The following ARHGAP8 variants were observed in gnomAD, a reference collection of about 807,000 sequenced individuals.
ARHGAP8 encodes the protein Rho GTPase activating protein 8.
In ARHGAP8, 62 loss-of-function variants were observed where a neutral mutation model predicts 46.1. The observed-to-expected ratio is 1.34, with a 90% CI of 1.10 to 1.66. The LOEUF (loss-of-function observed/expected upper bound fraction) is 1.66, where lower values mean the gene tolerates loss of function less well. Ranked by LOEUF, ARHGAP8 falls within the 40% of genes most tolerant of loss-of-function variation. The pLI is 0.00. For missense variants in ARHGAP8, 923 were observed against 568.4 expected (o/e 1.62, Z -6.34); for synonymous variants, 375 against 243.1 (o/e 1.54, Z -5.05).
At chr22:44,816,678 G>T (rs535648448) in intron 5 of ARHGAP8, among the ~76,000 whole-genome samples, 1 of 151,896 alleles carries the variant, frequency 6.6e-6, no homozygotes, top group South Asian at 2.1e-4. Flanking sequence ...TGTAGCATGC[G>T]CCTGTGGTCC....
intron 1 of ARHGAP8, among the ~76,000 whole-genome samples, 170 bp from the exon 2 acceptor site, chr22:44,786,287 A>G (rs1345646747): frequency 2.0e-5 from 3 of 151,600 alleles, no homozygotes; most frequent in African/African-American, 7.3e-5. Context: ...CAGGGCGCCT[A>G]GTGGGTGCTC....
At position 44,829,739 on chromosome 22, in the gene ARHGAP8, A is replaced by G. The variant is rs184320307; in HGVS notation, c.596+4146A>G. The stretch of plus-strand genomic sequence containing the variant: ...TTTGGACTATGAATGAATGAAAGTC[A>G]TTAAAATTCATAACTGAATCCTATT... On this transcript the variant is annotated intron_variant, in intron 7 of 11. Coordinates refer to ENST00000356099, the MANE Select transcript of ARHGAP8 (RefSeq NM_181335.3). Among the ~76,000 whole-genome samples, 4 of 152,402 alleles carry G rather than the reference A, an allele frequency of 2.6e-5. No homozygotes were observed. The East Asian group carries it at 7.7e-4, about 29-fold the overall frequency.
chr22:44,767,263 T>C lies in ARHGAP8; in HGVS notation c.-72+14636T>C, dbSNP rs937400347. On this transcript the variant is annotated intron_variant, in intron 1 of 11. Coordinates refer to ENST00000356099, the MANE Select transcript of ARHGAP8 (RefSeq NM_181335.3). ...TGACTACAGAAACATTTCAGAAATA[T>C]TGCTGAGAACACACATACACTCCTT... Among the ~76,000 whole-genome samples, 11 of 152,130 alleles carry C rather than the reference T, an allele frequency of 7.2e-5. No homozygotes were observed. The South Asian group carries it at 1.9e-3, about 26-fold the overall frequency.
intron 7 of ARHGAP8, among the ~76,000 whole-genome samples, chr22:44,843,701 T>C (rs2147156187): frequency 6.6e-6 from 1 of 152,092 alleles, no homozygotes; most frequent in East Asian, 1.9e-4. Flanking sequence ...GGCACATGCC[T>C]GTAGCCCCAG....
intron 1 of ARHGAP8, among the ~76,000 whole-genome samples, chr22:44,775,358 T>C (rs1366866997): frequency 6.6e-6 from 1 of 152,214 alleles, no homozygotes; most frequent in Non-Finnish European, 1.5e-5. Flanking sequence ...CACGGCCTCC[T>C]GGGTGGTAGC....
chr22:44,786,408 C>G, intron 1 of ARHGAP8, 49 bp from the exon 2 acceptor site: 1 of 1,541,330 alleles, frequency 6.5e-7, no homozygotes, highest in Non-Finnish European at 8.8e-7. Context: ...CCCTCATTCC[C>G]CGCCTTACTG....
intron 8 of ARHGAP8, 99 bp from the exon 9 acceptor site, chr22:44,847,874 C>T: frequency 6.8e-7 from 1 of 1,480,964 alleles, no homozygotes; most frequent in Non-Finnish European, 9.2e-7. Context: ...GGAGGCCAGC[C>T]ACAGGTGGGT....
chr22:44,862,051 A>C (rs1601540966), intron 11 of ARHGAP8, among the ~76,000 whole-genome samples: 2 of 152,216 alleles, frequency 1.3e-5, no homozygotes, highest in Admixed American at 6.5e-5. Context: ...GGTCAGAGCC[A>C]GAGGGTCCTC....
chr22:44,758,624 G>T (rs1166853690), intron 1 of ARHGAP8, among the ~76,000 whole-genome samples: 2 of 151,948 alleles, frequency 1.3e-5, no homozygotes, highest in Admixed American at 1.3e-4. Context: ...AGTGGGGAGG[G>T]GGGGAACATA....
chr22:44,859,061 G>A (rs938412273), intron 10 of ARHGAP8, among the ~76,000 whole-genome samples: 11 of 151,280 alleles, frequency 7.3e-5, no homozygotes, highest in South Asian at 4.2e-4. Flanking sequence ...GCCATGGGCC[G>A]TAGTTTGCCA....
At chr22:44,852,382 A>G (rs2070119234) in intron 10 of ARHGAP8, among the ~76,000 whole-genome samples, 1 of 152,030 alleles carries the variant, frequency 6.6e-6, no homozygotes, top group East Asian at 1.9e-4. Flanking sequence ...ACCCCCTCCC[A>G]TTAGAAGGTT....
intron 11 of ARHGAP8, among the ~76,000 whole-genome samples, chr22:44,861,276 TTC>T (rs1251364266): frequency 2.0e-5 from 3 of 152,198 alleles, no homozygotes; most frequent in Non-Finnish European, 2.9e-5. Context: ...CCCAGCCTAC[TTC>T]TTTTTCATTA....
intron 1 of ARHGAP8, among the ~76,000 whole-genome samples, chr22:44,771,869 T>C (rs966242821): frequency 1.3e-5 from 2 of 152,142 alleles, no homozygotes; most frequent in Admixed American, 1.3e-4. Flanking sequence ...AATAAATTTT[T>C]ATTGCTCTTT....
chr22:44,841,280 G>A (rs543183377), intron 7 of ARHGAP8, among the ~76,000 whole-genome samples: 1 of 152,238 alleles, frequency 6.6e-6, no homozygotes, highest in Admixed American at 6.5e-5. Context: ...AGCGTGATTT[G>A]CCGATTGTAC....
intron 6 of ARHGAP8, among the ~76,000 whole-genome samples, chr22:44,824,061 G>T (rs541943017): frequency 6.6e-6 from 1 of 152,238 alleles, no homozygotes; most frequent in South Asian, 2.1e-4. Context: ...GCTGAGTCTG[G>T]ATTTTCTCCA....
intron 4 of ARHGAP8, among the ~76,000 whole-genome samples, chr22:44,810,170 C>A (rs1203420483): frequency 6.6e-6 from 1 of 151,480 alleles, no homozygotes; most frequent in African/African-American, 2.4e-5. Context: ...GCCTCCTGCA[C>A]TAGGCTGTGA....
chr22:44,807,964 T>C (rs1247919948), intron 3 of ARHGAP8, among the ~76,000 whole-genome samples: 1 of 152,178 alleles, frequency 6.6e-6, no homozygotes, highest in African/African-American at 2.4e-5. Flanking sequence ...GATGAGCCCC[T>C]CCTCTCAAGG....
At chr22:44,860,842 C>T (rs560440380) in intron 11 of ARHGAP8, among the ~76,000 whole-genome samples, 2 of 152,340 alleles carry the variant, frequency 1.3e-5, no homozygotes, top group Admixed American at 6.5e-5. Flanking sequence ...TCCATCTCTC[C>T]AGGCCTTCGC....
chr22:44,753,172 G>A (rs956811241), intron 1 of ARHGAP8, among the ~76,000 whole-genome samples: 1 of 152,020 alleles, frequency 6.6e-6, no homozygotes, highest in Admixed American at 6.6e-5. Context: ...GGGGTGGGGG[G>A]CTGGCCGGTT....
Sources: gnomAD v4.1 joint callset for allele counts (sites outside exome capture counted in the v4.1 genomes callset) on GRCh38, gnomAD v4.1.1 for gene constraint, MANE v1.5 for transcripts, NCBI Gene and HGNC (gene_info 2026-07-23, HGNC 2026-07-21) for gene names.